Variants in FRMPD4 observed in about 807,000 individuals in gnomAD.
FRMPD4 encodes FERM and PDZ domain-containing protein 4.
In FRMPD4, 22 loss-of-function variants were observed where a neutral mutation model predicts 94.1. The observed-to-expected ratio is 0.23, with a 90% CI of 0.17 to 0.33. The LOEUF (loss-of-function observed/expected upper bound fraction) is 0.33, where lower values mean the gene tolerates loss of function less well. Ranked by LOEUF, FRMPD4 falls within the 10% of genes least tolerant of loss-of-function variation. The pLI is 1.00. For missense variants in FRMPD4, 1,111 were observed against 1,339.9 expected (o/e 0.83, Z 2.67); for synonymous variants, 631 against 548.6 (o/e 1.15, Z -2.10).
At chrX:12,108,289 A>AT (rs1312766546) in intron 3 of FRMPD4, among the ~76,000 whole-genome samples, 1 of 111,686 alleles carries the variant, frequency 9.0e-6, no homozygotes, top group Admixed American at 9.5e-5. Flanking sequence ...AAAGAAAAGA[A>AT]TTTTCAACCC....
chrX:12,659,727 T>C (rs2059695587), intron 4 of FRMPD4, among the ~76,000 whole-genome samples: 1 of 112,692 alleles, frequency 8.9e-6, no homozygotes, highest in African/African-American at 3.2e-5. Flanking sequence ...CACAGAAGTG[T>C]GCAAAATAAT....
At chrX:12,547,887 T>C in intron 2 of FRMPD4, among the ~76,000 whole-genome samples, 1 of 112,281 alleles carries the variant, frequency 8.9e-6, no homozygotes. Flanking sequence ...TGAAAGACTC[T>C]AAGATCGGGA....
intron 1 of FRMPD4, among the ~76,000 whole-genome samples, chrX:12,190,988 T>C (rs758055373): frequency 2.7e-4 from 28 of 102,459 alleles, no homozygotes; most frequent in African/African-American, 9.4e-4. Flanking sequence ...TAAAAGAAAA[T>C]ATTTGCAATT....
At chrX:12,380,830 T>G (rs1236280339) in intron 1 of FRMPD4, among the ~76,000 whole-genome samples, 1 of 111,973 alleles carries the variant, frequency 8.9e-6, no homozygotes. Context: ...ATTATCTAAT[T>G]ATCAGAATGG....
At chrX:12,039,106 G>T (rs976546956) in intron 3 of FRMPD4, among the ~76,000 whole-genome samples, 2 of 110,526 alleles carry the variant, frequency 1.8e-5, no homozygotes, top group Non-Finnish European at 3.8e-5. Flanking sequence ...TTGCTGAAGC[G>T]ATCCCCCCAC....
At chrX:12,266,132 C>CAAAAAAAAAAAAAAAAA (rs3990340) in intron 1 of FRMPD4, among the ~76,000 whole-genome samples, 13 of 25,767 alleles carry the variant, frequency 5.0e-4, no homozygotes, top group African/African-American at 1.4e-3. Flanking sequence ...GACTCCGTCT[C>CAAAAAAAAAAAAAAAAA]AAAAAAAAAA....
chrX:12,467,890 T>A (rs901807407), intron 1 of FRMPD4, among the ~76,000 whole-genome samples: 6 of 111,757 alleles, frequency 5.4e-5, no homozygotes, highest in African/African-American at 2.0e-4. Context: ...GCTACATTTT[T>A]AAAAAAAGAT....
chrX:12,576,719 C>G (rs1340670114), intron 2 of FRMPD4, among the ~76,000 whole-genome samples: 1 of 112,620 alleles, frequency 8.9e-6, no homozygotes, highest in Non-Finnish European at 1.9e-5. Flanking sequence ...CTTTCCACAC[C>G]CCATGGTAAT....
chrX:11,976,930 A>G (rs2054370446), intron 3 of FRMPD4, among the ~76,000 whole-genome samples: 1 of 111,508 alleles, frequency 9.0e-6, no homozygotes, highest in African/African-American at 3.3e-5. Flanking sequence ...AAAAAAATGC[A>G]TCTGATTTTT....
intron 1 of FRMPD4, among the ~76,000 whole-genome samples, chrX:12,359,728 A>G (rs760518275): frequency 4.7e-4 from 53 of 111,921 alleles, no homozygotes; most frequent in African/African-American, 1.7e-3. Flanking sequence ...TTGGGCTCCC[A>G]AAGTGCTGGG....
Position 12,723,398 on chromosome X carries a change from C to G in FRMPD4, c.*1540C>G, listed in dbSNP as rs762435507. 5.8e-4 allele frequency: 65 copies of G among 111,530 alleles called. No homozygotes were observed. The highest frequency in any genetic ancestry group is 2.0e-3 in the African/African-American group (60 of 30,644). 9.2% of individuals were successfully genotyped at this position (111,530 alleles called of 1,213,427 possible). On this transcript the variant is annotated 3_prime_UTR_variant, in exon 17 of 17. Transcript: ENST00000675598. ...TGAGAAGGAGTCATAACACAGTCCA[C>G]AATTGCAATCTCTCTCTAGTCAGCC...
At chrX:12,709,655 G>A (rs945684156) in intron 13 of FRMPD4, among the ~76,000 whole-genome samples, 1 of 111,456 alleles carries the variant, frequency 9.0e-6, no homozygotes, top group African/African-American at 3.3e-5. Context: ...AATTTACACC[G>A]TGAACCCAAA....
intron 4 of FRMPD4, among the ~76,000 whole-genome samples, chrX:12,621,890 TGAAGG>T (rs1222374382): frequency 4.0e-5 from 2 of 49,704 alleles, no homozygotes; most frequent in African/African-American, 9.0e-5. Context: ...GGAAGGGAAG[TGAAGG>T]GAAGGGAAGT....
At chrX:12,375,215 T>C (rs1211776174) in intron 1 of FRMPD4, 2 of 112,955 alleles carry the variant, frequency 1.8e-5, no homozygotes, top group African/African-American at 6.4e-5. Flanking sequence ...AGTTGACTTA[T>C]TAGTTATCTA....
intron 2 of FRMPD4, among the ~76,000 whole-genome samples, chrX:12,532,325 T>C (rs2148291511): frequency 8.9e-6 from 1 of 112,033 alleles, no homozygotes; most frequent in East Asian, 2.8e-4. Context: ...CTTCATTATA[T>C]GTTTAAACTA....
intron 3 of FRMPD4, among the ~76,000 whole-genome samples, chrX:11,971,576 G>A (rs1310474857): frequency 1.8e-5 from 2 of 112,450 alleles, no homozygotes; most frequent in Non-Finnish European, 3.8e-5. Flanking sequence ...TGCACTGTTA[G>A]ATTTTCCCCC....
chrX:12,319,611 G>C (rs1248549985), intron 1 of FRMPD4, among the ~76,000 whole-genome samples: 2 of 111,999 alleles, frequency 1.8e-5, no homozygotes, highest in Non-Finnish European at 3.8e-5. Context: ...TAATGCTTGA[G>C]GCAGGCTGTC....
At chrX:12,466,965 T>C (rs2057456077) in intron 1 of FRMPD4, among the ~76,000 whole-genome samples, 1 of 111,912 alleles carries the variant, frequency 8.9e-6, no homozygotes, top group African/African-American at 3.2e-5. Context: ...CTCCACCTTC[T>C]CTCTGTTCCT....
chrX:12,307,188 A>G (rs1968563154), intron 1 of FRMPD4, among the ~76,000 whole-genome samples: 1 of 112,233 alleles, frequency 8.9e-6, no homozygotes, highest in African/African-American at 3.2e-5. Context: ...TTGGAACTGT[A>G]TATGCTGTGG....
Sources: allele counts gnomAD v4.1 joint callset (sites outside exome capture counted in the v4.1 genomes callset), GRCh38; gene constraint gnomAD v4.1.1; transcripts MANE v1.5; gene names NCBI Gene and HGNC (gene_info 2026-07-23, HGNC 2026-07-21).